Variants in ASIC2 observed in about 807,000 individuals in gnomAD.
The protein encoded by ASIC2 is acid-sensing ion channel 2.
In ASIC2, 25 loss-of-function variants were observed where a neutral mutation model predicts 57.3. The observed-to-expected ratio is 0.44, with a 90% confidence interval of 0.32 to 0.61. The LOEUF is 0.61. ASIC2 is among the 20% of genes least tolerant of loss of function. The pLI is 0.06. For missense variants in ASIC2, 641 were observed against 738.1 expected, an observed-to-expected ratio of 0.87 and a Z score of 1.52; for synonymous variants, 319 against 307.5, an observed-to-expected ratio of 1.04 and a Z score of -0.39.
intron 1 of ASIC2, among the ~76,000 whole-genome samples, chr17:33,616,397 C>T (rs1004052335): frequency 6.6e-6 from 1 of 152,166 alleles, no homozygotes; most frequent in Admixed American, 6.5e-5. Context: ...TTCGTGAAGC[C>T]ATAGTTTAAT....
At chr17:33,910,029 T>C (rs1298060993) in intron 1 of ASIC2, among the ~76,000 whole-genome samples, 3 of 152,150 alleles carry the variant, frequency 2.0e-5, no homozygotes, top group Admixed American at 2.0e-4. Context: ...ACCACCCTCG[T>C]TGAATTGTTA....
chr17:33,343,172 C>G (rs549225211), intron 1 of ASIC2, among the ~76,000 whole-genome samples: 21 of 152,244 alleles, frequency 1.4e-4, no homozygotes, highest in Non-Finnish European at 2.5e-4. Context: ...GCTGAGAGCC[C>G]AGATGGGTCC....
chr17:33,490,162 C>T (rs1038321640), intron 1 of ASIC2, among the ~76,000 whole-genome samples: 5 of 152,142 alleles, frequency 3.3e-5, no homozygotes, highest in African/African-American at 1.2e-4. Flanking sequence ...GTGACTTTCA[C>T]ATTATAAGGT....
chr17:33,233,106 G>C (rs553052396), intron 1 of ASIC2, among the ~76,000 whole-genome samples: 1 of 152,036 alleles, frequency 6.6e-6, no homozygotes, highest in African/African-American at 2.4e-5. Context: ...GTCTGGGAAT[G>C]GATTCTTTTA....
rs1904722954 is a variant in ASIC2 at position 33,955,997 on chromosome 17, G to T, written c.555+199981C>A. On this transcript the variant is annotated intron_variant, in intron 1 of 9. Coordinates refer to the ASIC2 transcript ENST00000359872. ...GTGGCCATTGACTGATAGACAAGCT[G>T]AGGGCCCATCATTAGACTATTATAA... is the stretch of plus-strand genomic sequence containing the variant. 1.3e-5 allele frequency among the ~76,000 whole-genome samples: 2 copies of T among 152,108 alleles called. 1 individual carries two copies. Among genetic ancestry groups the T allele is most frequent in the South Asian group, 4.2e-4 (2 of 4,812 alleles).
chr17:33,366,079 G>A (rs1908797950), intron 1 of ASIC2, among the ~76,000 whole-genome samples: 1 of 152,226 alleles, frequency 6.6e-6, no homozygotes, highest in Non-Finnish European at 1.5e-5. Flanking sequence ...TAAGAACAGA[G>A]GCTGTTTGCT....
intron 1 of ASIC2, among the ~76,000 whole-genome samples, chr17:33,665,244 A>C (rs1907432676): frequency 6.6e-6 from 1 of 152,184 alleles, no homozygotes; most frequent in Non-Finnish European, 1.5e-5. Context: ...ACTATTGGAA[A>C]TGTGGTCCAT....
chr17:33,551,960 T>G (rs1179394161), intron 1 of ASIC2, among the ~76,000 whole-genome samples: 1 of 152,102 alleles, frequency 6.6e-6, no homozygotes, highest in Non-Finnish European at 1.5e-5. Flanking sequence ...ATGAGATGTG[T>G]TGTCTGTGAT....
At chr17:34,048,847 T>A (rs1009324020) in intron 1 of ASIC2, among the ~76,000 whole-genome samples, 25 of 152,222 alleles carry the variant, frequency 1.6e-4, no homozygotes, top group Non-Finnish European at 3.2e-4. Flanking sequence ...ATTCTATTTA[T>A]GAAATATATT....
chr17:33,098,821 A>G (rs1454234335), intron 2 of ASIC2, among the ~76,000 whole-genome samples: 3 of 152,134 alleles, frequency 2.0e-5, no homozygotes, highest in Non-Finnish European at 2.9e-5. Context: ...AAATCGGAAG[A>G]TGTGGATTCA....
At chr17:33,358,790 C>A (rs1407911327) in intron 1 of ASIC2, among the ~76,000 whole-genome samples, 1 of 152,160 alleles carries the variant, frequency 6.6e-6, no homozygotes, top group African/African-American at 2.4e-5. Flanking sequence ...AGGCTGAACT[C>A]AAAGCAATTG....
At chr17:33,554,699 C>G (rs551188432) in intron 1 of ASIC2, among the ~76,000 whole-genome samples, 2 of 152,208 alleles carry the variant, frequency 1.3e-5, no homozygotes, top group East Asian at 3.9e-4. Flanking sequence ...AATGGCCAAC[C>G]TGGCTTCAAA....
chr17:33,360,839 A>G (rs185104081), intron 1 of ASIC2, among the ~76,000 whole-genome samples: 19 of 152,218 alleles, frequency 1.2e-4, no homozygotes, highest in Non-Finnish European at 2.8e-4. Flanking sequence ...CCTAACTAGA[A>G]CCTGTCTCCT....
intron 1 of ASIC2, among the ~76,000 whole-genome samples, chr17:33,471,807 A>T (rs1913060086): frequency 6.6e-6 from 1 of 152,218 alleles, no homozygotes; most frequent in Non-Finnish European, 1.5e-5. Context: ...TATTAATAAC[A>T]AATATCTATT....
chr17:33,221,957 A>G lies in ASIC2; in HGVS notation c.708+69451T>C, dbSNP rs550038704. On this transcript the variant is annotated intron_variant, in intron 1 of 9. Coordinates refer to ENST00000225823, the MANE Select transcript of ASIC2 (RefSeq NM_183377.2). ...TGTTACTGCCTTCTGTGGTCCTCCC[A>G]TCATGCTTCAGGGCTCTATTTTGAA... is the stretch of plus-strand genomic sequence containing the variant. Among the ~76,000 whole-genome samples the G allele has an allele frequency of 7.6e-4, 116 of 152,300 alleles. 1 individual carries two copies. Among genetic ancestry groups the G allele is most frequent in the African/African-American group, 2.7e-3 (114 of 41,574 alleles).
chr17:33,095,917 C>T (rs752370996), intron 2 of ASIC2, among the ~76,000 whole-genome samples: 4 of 152,208 alleles, frequency 2.6e-5, no homozygotes, highest in Non-Finnish European at 5.9e-5. Context: ...CCTGGAGTGT[C>T]CCTGTGTCAC....
chr17:33,538,115 G>T (rs2141966500), intron 1 of ASIC2, among the ~76,000 whole-genome samples: 1 of 152,296 alleles, frequency 6.6e-6, no homozygotes, highest in Non-Finnish European at 1.5e-5. Context: ...TTCAATAAAT[G>T]CTTAGTAACT....
chr17:33,602,575 G>A (rs547178068), intron 1 of ASIC2, among the ~76,000 whole-genome samples: 88 of 152,250 alleles, frequency 5.8e-4, no homozygotes, highest in African/African-American at 2.0e-3. Context: ...CCAGTCTGTG[G>A]TACTGTTATA....
At chr17:33,053,047 A>G (rs1456988480) in intron 3 of ASIC2, among the ~76,000 whole-genome samples, 2 of 152,204 alleles carry the variant, frequency 1.3e-5, no homozygotes, top group Non-Finnish European at 2.9e-5. Flanking sequence ...CCCAAATGCC[A>G]ACTGCATTGG....
Sources: gnomAD v4.1 joint callset for allele counts (sites outside exome capture counted in the v4.1 genomes callset) on GRCh38, gnomAD v4.1.1 for gene constraint, MANE v1.5 for transcripts, NCBI Gene and HGNC (gene_info 2026-07-23, HGNC 2026-07-21) for gene names.